The following LRP6 variants were observed in gnomAD, a reference collection of about 807,000 sequenced individuals.
LRP6 encodes the protein LDL receptor related protein 6, also known as low-density lipoprotein receptor-related protein 6.
LRP6 carries 43 observed loss-of-function variants against 184.1 expected under a neutral mutation model. The ratio of observed to expected loss-of-function variants is 0.23; its 90% CI spans 0.18 to 0.30. The LOEUF is 0.30. Ranked by LOEUF, LRP6 falls within the 10% of genes least tolerant of loss-of-function variation. The probability of loss-of-function intolerance (pLI) is 1.00; values close to 1 mark genes in which losing one functional copy is unlikely to be tolerated. For missense variants in LRP6, 1,571 were observed against 2,005.3 expected, an observed-to-expected ratio of 0.78 and a Z score of 4.14; for synonymous variants, 719 against 684.9, an observed-to-expected ratio of 1.05 and a Z score of -0.78.
chr12:12,203,923 T>A (rs1230675484), intron 2 of LRP6, among the ~76,000 whole-genome samples: 1 of 152,202 alleles, frequency 6.6e-6, no homozygotes, highest in Admixed American at 6.5e-5. Flanking sequence ...CAAAAACCAC[T>A]GAATCAAAAT....
At chr12:12,129,809 CA>C (rs1451140368) in intron 19 of LRP6, among the ~76,000 whole-genome samples, 3 of 152,122 alleles carry the variant, frequency 2.0e-5, no homozygotes, top group Non-Finnish European at 4.4e-5. Context: ...ATTGGCCTCC[CA>C]AAGTGCTGGG....
chr12:12,148,349 T>C (rs1441098112), intron 14 of LRP6, among the ~76,000 whole-genome samples: 1 of 152,174 alleles, frequency 6.6e-6, no homozygotes, highest in Non-Finnish European at 1.5e-5. Flanking sequence ...TCACTTCTTA[T>C]ATTTAACGTC....
intron 3 of LRP6, among the ~76,000 whole-genome samples, chr12:12,193,604 A>G (rs1863674054): frequency 6.6e-6 from 1 of 152,210 alleles, no homozygotes; most frequent in East Asian, 1.9e-4. Context: ...ACCATAAACA[A>G]CTTTATGCCA....
intron 3 of LRP6, among the ~76,000 whole-genome samples, chr12:12,202,348 G>C (rs966316597): frequency 1.3e-5 from 2 of 152,206 alleles, no homozygotes; most frequent in Non-Finnish European, 2.9e-5. Flanking sequence ...CATAAGACCA[G>C]CCTGGGCAAC....
At chr12:12,266,604 CCCTCCCCCTAGACACATACAACAAGGCCA>C in intron 1 of LRP6, 48 bp downstream of exon 1, 1 of 1,224,874 alleles carries the variant, frequency 8.2e-7, no homozygotes, top group Non-Finnish European at 1.2e-6. Context: ...TCCGTCCCTC[CCCTCCCCCTAGACACATACAACAAGGCCA>C]CCTCCCCCCG....
Position 12,191,797 on chromosome 12 carries a change from C to T in LRP6, c.648-4678G>A, listed in dbSNP as rs116715447. ...TACATCATTTCAGAAATGAAGTCTA[C>T]GAAATAAGAATGAATAAACATAATA... On this transcript the variant is annotated intron_variant, in intron 3 of 22. Coordinates refer to ENST00000261349, the MANE Select transcript of LRP6 (RefSeq NM_002336.3). Among the ~76,000 whole-genome samples the T allele has an allele frequency of 9.4e-3, 1,392 of 148,746 alleles. 21 individuals are homozygous for T. Among genetic ancestry groups the T allele is most frequent in the African/African-American group, 0.032 (1,287 of 40,422 alleles).
Position 12,124,636 on chromosome 12 carries a change from G to T in LRP6, c.4476C>A (p.Ala1492=). The change falls in exon 22 of 23, where the codon GCC becomes GCA. Residue 1492 remains alanine, a synonymous_variant. Coordinates refer to ENST00000261349, the MANE Select transcript of LRP6 (RefSeq NM_002336.3). The part of the protein sequence containing the change: ...PAILNPPPSP[A]TERSHYTMEF... ...CCATAGTGTAATGTGATCGCTCTGTGGCTGGGGATGGTGGAGGGTTCAAAA... is the reference window on the plus strand; with the variant it reads ...CCATAGTGTAATGTGATCGCTCTGTTGCTGGGGATGGTGGAGGGTTCAAAA... The T allele has an allele frequency of 6.2e-7, 1 of 1,612,872 alleles. No individual in the cohort carries two copies. Among genetic ancestry groups the T allele is most frequent in the African/African-American group, 1.3e-5 (1 of 75,014 alleles).
intron 2 of LRP6, among the ~76,000 whole-genome samples, chr12:12,231,801 G>C (rs1864797087): frequency 6.6e-6 from 1 of 151,718 alleles, no homozygotes; most frequent in Admixed American, 6.6e-5. Context: ...GATCACTTGA[G>C]CCCAGGAATT....
At chr12:12,219,665 T>C (rs954502882) in intron 2 of LRP6, among the ~76,000 whole-genome samples, 1 of 152,238 alleles carries the variant, frequency 6.6e-6, no homozygotes, top group African/African-American at 2.4e-5. Context: ...TATATGGCAC[T>C]GGAGGGGGCT....
rs577984487 is a variant in LRP6, at chr12:12,236,632, C to T, written c.449+7630G>A. ...GACTGCCTCCAACACTGCAGGCACCCGTGCTTCTGACTGGCCAGCTATAAA... is the reference window on the plus strand; with the variant it reads ...GACTGCCTCCAACACTGCAGGCACCTGTGCTTCTGACTGGCCAGCTATAAA... On this transcript the variant is annotated intron_variant, in intron 2 of 22. Transcript: ENST00000261349. Among the ~76,000 whole-genome samples the T allele has an allele frequency of 4.6e-5, 7 of 152,314 alleles. No homozygotes were observed. The East Asian group carries it at 1.2e-3, about 25-fold the overall frequency.
intron 17 of LRP6, among the ~76,000 whole-genome samples, chr12:12,134,560 A>T (rs1474660854): frequency 6.6e-6 from 1 of 152,202 alleles, no homozygotes; most frequent in African/African-American, 2.4e-5. Context: ...ATACTCAGTG[A>T]TATCTTTTAA....
At chr12:12,141,983 G>A (rs934160895) in intron 15 of LRP6, among the ~76,000 whole-genome samples, 3 of 152,154 alleles carry the variant, frequency 2.0e-5, no homozygotes, top group African/African-American at 4.8e-5. Context: ...GTATTTTGGC[G>A]ACATATGGTT....
intron 1 of LRP6, among the ~76,000 whole-genome samples, chr12:12,255,185 T>G (rs938883070): frequency 6.6e-6 from 1 of 152,170 alleles, no homozygotes; most frequent in African/African-American, 2.4e-5. Context: ...TGACTTGGCT[T>G]GAATAAACTT....
intron 2 of LRP6, 124 bp from the exon 3 acceptor site, chr12:12,203,524 T>C: frequency 1.3e-6 from 1 of 776,444 alleles, no homozygotes; most frequent in Non-Finnish European, 2.1e-6. Context: ...CCCAGCACTC[T>C]GGGAGGCTGA....
At chr12:12,154,743 G>C (rs944527304) in intron 12 of LRP6, among the ~76,000 whole-genome samples, 3 of 152,180 alleles carry the variant, frequency 2.0e-5, no homozygotes, top group African/African-American at 4.8e-5. Flanking sequence ...GAGTGACAAG[G>C]AGAGCCTTGT....
rs535797318 is a variant in LRP6, at chr12:12,145,164, T to C, written c.3397+2202A>G. ...ATTCAAAAGACATAAATGCATTAGGTACCCAGAAAAAAAAATTAGAGGTGA... is the reference window on the plus strand; with the variant it reads ...ATTCAAAAGACATAAATGCATTAGGCACCCAGAAAAAAAAATTAGAGGTGA... On this transcript the variant is annotated intron_variant, in intron 15 of 22. Transcript: ENST00000261349. 2.0e-5 allele frequency among the ~76,000 whole-genome samples: 3 copies of C among 151,446 alleles called. No homozygotes were observed. In the South Asian group the frequency reaches 6.3e-4, roughly 32 times the overall value.
At chr12:12,160,038 GTAAC>G (rs1306789519) in intron 10 of LRP6, 74 bp from the exon 11 acceptor site, 7 of 1,076,692 alleles carry the variant, frequency 6.5e-6, no homozygotes, top group Middle Eastern at 2.3e-4. Flanking sequence ...TTCATGCAAA[GTAAC>G]TAAATAAATT....
intron 9 of LRP6, among the ~76,000 whole-genome samples, chr12:12,163,478 G>T (rs999623126): frequency 1.3e-5 from 2 of 152,146 alleles, no homozygotes; most frequent in Admixed American, 1.3e-4. Flanking sequence ...AAGAAGAAAA[G>T]ATTATTCTTC....
At chr12:12,219,354 C>T (rs1417139771) in intron 2 of LRP6, among the ~76,000 whole-genome samples, 2 of 151,978 alleles carry the variant, frequency 1.3e-5, no homozygotes, top group East Asian at 1.9e-4. Context: ...TATAGGTGCC[C>T]GCCACCACGC....
Sources: allele counts gnomAD v4.1 joint callset (sites outside exome capture counted in the v4.1 genomes callset), GRCh38; gene constraint gnomAD v4.1.1; transcripts MANE v1.5; gene names NCBI Gene and HGNC (gene_info 2026-07-23, HGNC 2026-07-21).